RAD50: variants seen among roughly 807,000 people sequenced by gnomAD.
The protein encoded by RAD50 is DNA repair protein RAD50.
In RAD50, 132 loss-of-function variants were observed where a neutral mutation model predicts 168.8. The observed-to-expected ratio is 0.78, with a 90% CI of 0.68 to 0.90. The LOEUF is 0.90. RAD50 is among the 40% of genes least tolerant of loss of function. RAD50 has a pLI of 0.00. For missense variants in RAD50, 1,347 were observed against 1,534.4 expected, an observed-to-expected ratio of 0.88 and a Z score of 2.04; for synonymous variants, 525 against 497.4, an observed-to-expected ratio of 1.06 and a Z score of -0.74.
intron 21 of RAD50, among the ~76,000 whole-genome samples, chr5:132,636,297 A>G (rs916401524): frequency 3.9e-5 from 6 of 152,180 alleles, no homozygotes; most frequent in African/African-American, 1.4e-4. Flanking sequence ...TTGCTTTTAC[A>G]AACATTTCTC....
At chr5:132,561,005 C>G (rs1420805630) in intron 2 of RAD50, among the ~76,000 whole-genome samples, 1 of 152,200 alleles carries the variant, frequency 6.6e-6, no homozygotes, top group Non-Finnish European at 1.5e-5. Context: ...TGTAAGGTCA[C>G]CAATAATCTC....
Position 132,557,017 on chromosome 5 carries a change from C to T in RAD50, c.-308C>T, listed in dbSNP as rs1003263940. The T allele has an allele frequency of 1.5e-5, 11 of 720,210 alleles. No individual in the cohort carries two copies. The highest frequency in any genetic ancestry group is 2.1e-5 in the Non-Finnish European group (10 of 480,794). 44.6% of individuals were successfully genotyped at this position (720,210 alleles called of 1,614,324 possible). A position where few individuals can be genotyped will look rare whatever the true frequency, so the allele number is the denominator to read the frequency against. ...CGGCCGAGGCAGGAAGCTGTGAGTG[C>T]GCGGTTGCGGGGTCGCATTGTGGCT... is the stretch of plus-strand genomic sequence containing the variant. On this transcript the variant is annotated 5_prime_UTR_variant, in exon 1 of 25. Transcript: ENST00000378823.
intron 19 of RAD50, among the ~76,000 whole-genome samples, chr5:132,611,879 C>T (rs1751094550): frequency 6.6e-6 from 1 of 152,076 alleles, no homozygotes; most frequent in Admixed American, 6.6e-5. Flanking sequence ...TACAGTGTAT[C>T]TCAGCATCAT....
intron 5 of RAD50, among the ~76,000 whole-genome samples, chr5:132,583,045 G>A (rs1750532453): frequency 1.3e-5 from 2 of 152,176 alleles, no homozygotes; most frequent in Non-Finnish European, 2.9e-5. Context: ...GAAAGAAACT[G>A]AGCACTTTGT....
In RAD50 at chr5:132,642,857, T is replaced by G. The variant is rs1004545940; in HGVS notation, c.*493T>G. 8 of 371,102 alleles carry G rather than the reference T, an allele frequency of 2.2e-5. No homozygotes were observed. Among genetic ancestry groups the G allele is most frequent in the Non-Finnish European group, 3.8e-5 (7 of 186,164 alleles). The allele number at this position is 371,102 out of a possible 1,614,324, so 23.0% of individuals were successfully genotyped here. A position where few individuals can be genotyped will look rare whatever the true frequency, so the allele number is the denominator to read the frequency against. On this transcript the variant is annotated 3_prime_UTR_variant, in exon 25 of 25. Coordinates refer to ENST00000378823, the MANE Select transcript of RAD50 (RefSeq NM_005732.4). ...TGTATGTTTGGCTCTGCTTTTAACT[T>G]TATAAATCCAGTGACCTCTCTCTCT...
intron 13 of RAD50, among the ~76,000 whole-genome samples, chr5:132,600,623 CAG>C (rs1430130827): frequency 2.6e-5 from 4 of 152,160 alleles, no homozygotes; most frequent in Admixed American, 1.3e-4. Flanking sequence ...AGTACTGACT[CAG>C]ATTCATTTAT....
chr5:132,570,268 A>T lies in RAD50; in HGVS notation c.214-5509A>T, dbSNP rs755539328. On this transcript the variant is annotated intron_variant, in intron 2 of 24. Coordinates refer to ENST00000378823, the MANE Select transcript of RAD50 (RefSeq NM_005732.4). ...TATGAGTTTATACTGATACAAGAAAATGGGGGGGGAAATGGAGAAAGAGCA... is the reference window on the plus strand; with the variant it reads ...TATGAGTTTATACTGATACAAGAAATTGGGGGGGGAAATGGAGAAAGAGCA... Among the ~76,000 whole-genome samples the T allele has an allele frequency of 6.6e-5, 10 of 151,788 alleles. 1 individual carries two copies. The highest frequency in any genetic ancestry group is 1.5e-4 in the Non-Finnish European group (10 of 67,934).
At chr5:132,629,388 T>G (rs946651758) in intron 21 of RAD50, among the ~76,000 whole-genome samples, 1 of 152,078 alleles carries the variant, frequency 6.6e-6, no homozygotes, top group Non-Finnish European at 1.5e-5. Context: ...AGTGCCTCAG[T>G]CACAGAGGCA....
At chr5:132,611,869 TAC>T (rs1000363675) in intron 19 of RAD50, among the ~76,000 whole-genome samples, 5 of 152,084 alleles carry the variant, frequency 3.3e-5, no homozygotes, top group African/African-American at 1.2e-4. Flanking sequence ...TTAAAAAAAA[TAC>T]AGTGTATCTC....
intron 21 of RAD50, among the ~76,000 whole-genome samples, chr5:132,636,719 C>T (rs1751587788): frequency 6.6e-6 from 1 of 152,188 alleles, no homozygotes; most frequent in Non-Finnish European, 1.5e-5. Flanking sequence ...TTCAGCAGGC[C>T]TTCCTGTGAC....
At chr5:132,626,335 A>T (rs1368559662) in intron 21 of RAD50, among the ~76,000 whole-genome samples, 4 of 152,206 alleles carry the variant, frequency 2.6e-5, no homozygotes, top group African/African-American at 9.7e-5. Flanking sequence ...TTGCAGAATC[A>T]TATGGTAGTT....
intron 21 of RAD50, among the ~76,000 whole-genome samples, chr5:132,628,184 G>C (rs1441558417): frequency 6.6e-6 from 1 of 152,142 alleles, no homozygotes; most frequent in Non-Finnish European, 1.5e-5. Flanking sequence ...CTCGAGCCTA[G>C]AGTTCAAGTG....
chr5:132,589,610 A>G, intron 8 of RAD50, 21 bp from the exon 9 acceptor site: 1 of 1,518,256 alleles, frequency 6.6e-7, no homozygotes, highest in African/African-American at 1.4e-5. Flanking sequence ...ATTAATGCTC[A>G]TTCTTTACAT....
intron 9 of RAD50, among the ~76,000 whole-genome samples, chr5:132,590,543 A>C (rs1750680531): frequency 6.6e-6 from 1 of 152,182 alleles, no homozygotes; most frequent in South Asian, 2.1e-4. Context: ...ACACGTTGTA[A>C]TTCTAGATGA....
At position 132,595,570 on chromosome 5, in the gene RAD50, T is replaced by C. The variant is rs1218768822; in HGVS notation, c.1970-3T>C. ...GGTGATATAATTTATTTTCTTAAAATAGCCATGCTGGCTGGAGCCACAGCA... is the reference window on the plus strand; with the variant it reads ...GGTGATATAATTTATTTTCTTAAAACAGCCATGCTGGCTGGAGCCACAGCA... On this transcript the variant is annotated splice_polypyrimidine_tract_variant and splice_region_variant and intron_variant, in intron 12 of 24. Coordinates refer to ENST00000378823, the MANE Select transcript of RAD50 (RefSeq NM_005732.4). 6.3e-7 allele frequency: 1 copy of C among 1,588,336 alleles called. No individual in the cohort carries two copies. The highest frequency in any genetic ancestry group is 2.2e-5 in the East Asian group (1 of 44,774).
At chr5:132,587,243 CT>C (rs1342155565) in intron 5 of RAD50, among the ~76,000 whole-genome samples, 2 of 152,132 alleles carry the variant, frequency 1.3e-5, no homozygotes, top group African/African-American at 2.4e-5. Flanking sequence ...AAATAGTTAC[CT>C]TTTTAAGGAT....
intron 3 of RAD50, among the ~76,000 whole-genome samples, chr5:132,578,488 A>G (rs1014869249): frequency 2.1e-5 from 3 of 142,876 alleles, no homozygotes; most frequent in Non-Finnish European, 4.6e-5. Flanking sequence ...TCTGCAAAGC[A>G]TTCTTAATAT....
Sources: gnomAD v4.1 joint callset for allele counts (sites outside exome capture counted in the v4.1 genomes callset) on GRCh38, gnomAD v4.1.1 for gene constraint, MANE v1.5 for transcripts, NCBI Gene and HGNC (gene_info 2026-07-23, HGNC 2026-07-21) for gene names.